CCDC172: variants seen among roughly 807,000 people sequenced by gnomAD.
The protein encoded by CCDC172 is coiled-coil domain-containing protein 172.
In CCDC172, 30 loss-of-function variants were observed where a neutral mutation model predicts 38.0. The ratio of observed to expected loss-of-function variants is 0.79; its 90% CI spans 0.59 to 1.07. The LOEUF (loss-of-function observed/expected upper bound fraction) is 1.07, where lower values mean the gene tolerates loss of function less well. Ranked by LOEUF, CCDC172 falls within the 50% of genes least tolerant of loss-of-function variation. CCDC172 has a pLI of 0.00. For missense variants in CCDC172, 297 were observed against 290.1 expected (o/e 1.02, Z -0.17); for synonymous variants, 78 against 88.3 (o/e 0.88, Z 0.66).
chr10:116,332,429 G>A (rs1844675319), intron 3 of CCDC172, among the ~76,000 whole-genome samples: 1 of 152,014 alleles, frequency 6.6e-6, no homozygotes, highest in African/African-American at 2.4e-5. Context: ...TGATGAGTCT[G>A]TAATTGTAAT....
intron 7 of CCDC172, among the ~76,000 whole-genome samples, chr10:116,369,579 A>G (rs1325097770): frequency 1.3e-5 from 2 of 152,040 alleles, no homozygotes; most frequent in Non-Finnish European, 2.9e-5. Context: ...ATAATACTTC[A>G]TTGTAATAGA....
chr10:116,337,451 A>G (rs1471329273), intron 3 of CCDC172, among the ~76,000 whole-genome samples: 2 of 151,988 alleles, frequency 1.3e-5, no homozygotes, highest in East Asian at 1.9e-4. Context: ...TGCCTGGCCT[A>G]TCACTTTAAG....
intron 3 of CCDC172, among the ~76,000 whole-genome samples, chr10:116,336,537 C>T (rs1844736531): frequency 6.6e-6 from 1 of 151,810 alleles, no homozygotes; most frequent in Non-Finnish European, 1.5e-5. Context: ...ATCTTTTTTA[C>T]AAAAACCTTA....
chr10:116,378,320 C>G, intron 7 of CCDC172, 103 bp from the exon 8 acceptor site: 1 of 1,150,852 alleles, frequency 8.7e-7, no homozygotes. Flanking sequence ...TTAGTCTTAA[C>G]TTGAAATTCT....
Position 116,379,623 on chromosome 10 carries a change from C to A in CCDC172, c.*265C>A. 3.4e-6 allele frequency: 1 copy of A among 290,664 alleles called. No individual in the cohort carries two copies. Among genetic ancestry groups the A allele is most frequent in the Non-Finnish European group, 6.3e-6 (1 of 158,590 alleles). The allele number at this position is 290,664 out of a possible 1,614,324, so 18.0% of individuals were successfully genotyped here. A position where few individuals can be genotyped will look rare whatever the true frequency, so the allele number is the denominator to read the frequency against. On this transcript the variant is annotated 3_prime_UTR_variant, in exon 9 of 9. Coordinates refer to ENST00000333254, the MANE Select transcript of CCDC172 (RefSeq NM_198515.3). ...GGAGAAGAAGTAGATACCGTGTTCC[C>A]AGGCTTCTTATATGCCCCTGAACCT...
intron 7 of CCDC172, among the ~76,000 whole-genome samples, chr10:116,364,929 G>T (rs1216773618): frequency 6.6e-6 from 1 of 152,044 alleles, no homozygotes; most frequent in Non-Finnish European, 1.5e-5. Flanking sequence ...TTGTAATGAT[G>T]CAGGAAATTA....
chr10:116,336,968 T>A (rs1187407198), intron 3 of CCDC172, among the ~76,000 whole-genome samples: 1 of 152,128 alleles, frequency 6.6e-6, no homozygotes, highest in Non-Finnish European at 1.5e-5. Flanking sequence ...ACCAGATAAG[T>A]CAGCTCACTG....
At chr10:116,366,718 T>C (rs912651976) in intron 7 of CCDC172, among the ~76,000 whole-genome samples, 1 of 152,216 alleles carries the variant, frequency 6.6e-6, no homozygotes, top group South Asian at 2.1e-4. Flanking sequence ...ATGCGAATGT[T>C]GAACTTCACA....
At chr10:116,372,407 A>G (rs1565724950) in intron 7 of CCDC172, among the ~76,000 whole-genome samples, 1 of 152,112 alleles carries the variant, frequency 6.6e-6, no homozygotes, top group Non-Finnish European at 1.5e-5. Flanking sequence ...ACTGCAATCA[A>G]GATATAGAAT....
At chr10:116,369,640 T>C (rs1845163080) in intron 7 of CCDC172, among the ~76,000 whole-genome samples, 1 of 152,042 alleles carries the variant, frequency 6.6e-6, no homozygotes, top group South Asian at 2.1e-4. Context: ...CTTAAATTGT[T>C]TCCAGTATTT....
At position 116,379,398 on chromosome 10, in the gene CCDC172, A is replaced by G. The variant is rs767540479; in HGVS notation, c.*40A>G. ...ATCAGCCATCTGAGATTTGATCAGAATATCTGAGAATCAAATCTTTGTGAT... is the reference window on the plus strand; with the variant it reads ...ATCAGCCATCTGAGATTTGATCAGAGTATCTGAGAATCAAATCTTTGTGAT... On this transcript the variant is annotated 3_prime_UTR_variant, in exon 9 of 9. Transcript: ENST00000333254. 7.1e-7 allele frequency: 1 copy of G among 1,403,136 alleles called. No homozygotes were observed. Among genetic ancestry groups the G allele is most frequent in the East Asian group, 2.4e-5 (1 of 41,688 alleles). The allele number at this position is 1,403,136 out of a possible 1,614,324, so 86.9% of individuals were successfully genotyped here.
At position 116,369,063 on chromosome 10, in the gene CCDC172, A is replaced by G. The variant is rs961180696; in HGVS notation, c.654-9360A>G. ...TATAATTCTTAGTGCCTTACTACAC[A>G]TCCCACTGAGGGTGAATAGACTATT... On this transcript the variant is annotated intron_variant, in intron 7 of 8. Coordinates refer to ENST00000333254, the MANE Select transcript of CCDC172 (RefSeq NM_198515.3). 5.9e-5 allele frequency among the ~76,000 whole-genome samples: 9 copies of G among 152,032 alleles called. No individual in the cohort carries two copies. In the South Asian group the frequency reaches 8.3e-4, roughly 14 times the overall value.
In CCDC172 at chr10:116,337,981, G is replaced by A. The variant is rs371660511; in HGVS notation, c.166-2753G>A. Among the ~76,000 whole-genome samples, 27 of 152,270 alleles carry A rather than the reference G, an allele frequency of 1.8e-4. 1 individual carries two copies. The highest frequency in any genetic ancestry group is 7.7e-4 in the East Asian group (4 of 5,180). On this transcript the variant is annotated intron_variant, in intron 3 of 8. Coordinates refer to ENST00000333254, the MANE Select transcript of CCDC172 (RefSeq NM_198515.3). ...AAAGGAACCATCTGAAACATTCTACGAATAGGAGACTGTGAAAAGCTATTT... is the reference window on the plus strand; with the variant it reads ...AAAGGAACCATCTGAAACATTCTACAAATAGGAGACTGTGAAAAGCTATTT...
chr10:116,362,400 T>C (rs1845075430), intron 7 of CCDC172, among the ~76,000 whole-genome samples: 1 of 152,238 alleles, frequency 6.6e-6, no homozygotes, highest in Non-Finnish European at 1.5e-5. Context: ...ATGCCATATT[T>C]ATATAACCAG....
chr10:116,361,064 A>C (rs932318370), intron 7 of CCDC172, among the ~76,000 whole-genome samples: 2 of 141,388 alleles, frequency 1.4e-5, no homozygotes, highest in East Asian at 3.9e-4. Context: ...TATTATTATT[A>C]TTATTATTAT....
chr10:116,357,521 TA>T, intron 6 of CCDC172, 40 bp downstream of exon 6: 1 of 1,407,192 alleles, frequency 7.1e-7, no homozygotes. Flanking sequence ...CTGATAAATA[TA>T]GTTATATATG....
At chr10:116,378,922 T>G (rs1845280609) in intron 8 of CCDC172, among the ~76,000 whole-genome samples, 1 of 152,144 alleles carries the variant, frequency 6.6e-6, no homozygotes, top group Non-Finnish European at 1.5e-5. Context: ...ACTTTCTTAT[T>G]GCGTATTTGT....
intron 8 of CCDC172, among the ~76,000 whole-genome samples, chr10:116,378,779 C>T (rs1454789782): frequency 2.6e-5 from 4 of 152,018 alleles, no homozygotes; most frequent in African/African-American, 9.7e-5. Flanking sequence ...TAGATCTGAC[C>T]TCATAACATT....
intron 7 of CCDC172, among the ~76,000 whole-genome samples, chr10:116,372,874 G>T (rs1845202654): frequency 6.6e-6 from 1 of 152,084 alleles, no homozygotes; most frequent in Non-Finnish European, 1.5e-5. Context: ...GAAGACAAGG[G>T]AATGACATCC....
Sources: gnomAD v4.1 joint callset for allele counts (sites outside exome capture counted in the v4.1 genomes callset) on GRCh38, gnomAD v4.1.1 for gene constraint, MANE v1.5 for transcripts, NCBI Gene and HGNC (gene_info 2026-07-23, HGNC 2026-07-21) for gene names.